Variants in VPS13A observed in about 807,000 individuals in gnomAD.
The protein encoded by VPS13A is vacuolar protein sorting 13 homolog A.
VPS13A carries 264 observed loss-of-function variants against 390.9 expected under a neutral mutation model. That is an observed-to-expected ratio of 0.68 (90% confidence interval 0.61 to 0.75). The LOEUF (loss-of-function observed/expected upper bound fraction) is 0.75. VPS13A is among the 30% of genes least tolerant of loss of function. VPS13A has a pLI of 0.00. For synonymous variants in VPS13A, 1,231 were observed against 1,227.1 expected, an observed-to-expected ratio of 1.00 and a Z score of -0.07; for missense variants, 3,409 against 3,733.9, an observed-to-expected ratio of 0.91 and a Z score of 2.27.
chr9:77,279,179 A>C (rs1413778758), intron 26 of VPS13A, among the ~76,000 whole-genome samples: 1 of 152,204 alleles, frequency 6.6e-6, no homozygotes, highest in Non-Finnish European at 1.5e-5. Context: ...ATTGGATGAC[A>C]TGTGGGCTGG....
chr9:77,382,188 A>G lies in VPS13A; in HGVS notation c.9189+101A>G, dbSNP rs1282362373. 12 of 1,327,450 alleles carry G rather than the reference A, an allele frequency of 9.0e-6. 1 individual carries two copies. Among genetic ancestry groups the G allele is most frequent in the African/African-American group, 1.5e-5 (1 of 66,382 alleles). 82.2% of individuals were successfully genotyped at this position (1,327,450 alleles called of 1,614,324 possible). Reference sequence around the variant, plus strand: ...TATTAAATTATTTGGGCTTTTATCTATTTTGCTTAATTCCACTTATAAGTT... The same window carrying G: ...TATTAAATTATTTGGGCTTTTATCTGTTTTGCTTAATTCCACTTATAAGTT... On this transcript the variant is annotated intron_variant, in intron 68 of 71. Coordinates refer to ENST00000360280, the MANE Select transcript of VPS13A (RefSeq NM_033305.3).
chr9:77,207,256 AC>A (rs1188210669), intron 5 of VPS13A, among the ~76,000 whole-genome samples: 10 of 53,976 alleles, frequency 1.9e-4, no homozygotes, highest in Middle Eastern at 9.1e-3. Context: ...TATATATAAA[AC>A]GTGTTATATG....
At chr9:77,187,599 A>T (rs1231162205) in intron 1 of VPS13A, among the ~76,000 whole-genome samples, 1 of 129,328 alleles carries the variant, frequency 7.7e-6, no homozygotes, top group African/African-American at 3.3e-5. Context: ...AAGAGTTTAC[A>T]TACAAACATA....
At chr9:77,367,639 A>C (rs953798992) in intron 61 of VPS13A, among the ~76,000 whole-genome samples, 2 of 152,368 alleles carry the variant, frequency 1.3e-5, no homozygotes, top group Non-Finnish European at 2.9e-5. Flanking sequence ...TGGAGTTATA[A>C]GTAAGCAGGC....
intron 61 of VPS13A, 125 bp downstream of exon 61, chr9:77,366,997 A>G (rs1832466335): frequency 2.2e-6 from 2 of 925,506 alleles, no homozygotes; most frequent in Non-Finnish European, 3.2e-6. Flanking sequence ...AGGTTTTTGC[A>G]TTCAAGTGAA....
intron 12 of VPS13A, 149 bp from the exon 13 acceptor site, chr9:77,221,036 G>A: frequency 2.6e-6 from 2 of 765,784 alleles, no homozygotes; most frequent in Admixed American, 2.4e-5. Flanking sequence ...TAATGCAAAT[G>A]GAGTTGGGTA....
chr9:77,194,362 G>GGA, intron 1 of VPS13A, among the ~76,000 whole-genome samples: 1 of 93,480 alleles, frequency 1.1e-5, no homozygotes, highest in South Asian at 3.5e-4. Flanking sequence ...GATGGGGGTT[G>GGA]GGGGGGGCGC....
chr9:77,276,469 CTG>C (rs960304984), intron 26 of VPS13A, among the ~76,000 whole-genome samples: 6 of 152,128 alleles, frequency 3.9e-5, no homozygotes, highest in Non-Finnish European at 8.8e-5. Context: ...ATCTACTTAA[CTG>C]AGTATTGGAA....
At chr9:77,286,651 T>C (rs1317944131) in intron 31 of VPS13A, among the ~76,000 whole-genome samples, 3 of 152,166 alleles carry the variant, frequency 2.0e-5, no homozygotes, top group African/African-American at 7.2e-5. Context: ...TTTGCCATTT[T>C]CCCCAGACAT....
intron 15 of VPS13A, among the ~76,000 whole-genome samples, chr9:77,227,092 A>G (rs2131197236): frequency 6.6e-6 from 1 of 152,172 alleles, no homozygotes; most frequent in East Asian, 1.9e-4. Flanking sequence ...AATACTACCT[A>G]CTTTTTATAC....
chr9:77,248,434 G>A (rs1047471005), intron 20 of VPS13A, among the ~76,000 whole-genome samples: 2 of 151,314 alleles, frequency 1.3e-5, no homozygotes, highest in Non-Finnish European at 2.9e-5. Flanking sequence ...TAGCCAGGAT[G>A]GTCTCGATCT....
intron 13 of VPS13A, among the ~76,000 whole-genome samples, chr9:77,224,589 T>C (rs1384792875): frequency 2.0e-5 from 3 of 152,200 alleles, no homozygotes; most frequent in African/African-American, 7.2e-5. Flanking sequence ...CCTGAACATG[T>C]GACTAAATTG....
intron 20 of VPS13A, among the ~76,000 whole-genome samples, chr9:77,249,853 A>G (rs899180466): frequency 1.3e-5 from 2 of 152,156 alleles, no homozygotes; most frequent in Non-Finnish European, 2.9e-5. Context: ...ATTCTTCAGG[A>G]CCATCTTGGT....
At chr9:77,201,489 A>AT (rs751820949) in intron 3 of VPS13A, 82 bp downstream of exon 3, 11 of 1,152,844 alleles carry the variant, frequency 9.5e-6, no homozygotes, top group Non-Finnish European at 1.3e-5. Flanking sequence ...ATTATGTGAT[A>AT]TTTTTCATGT....
intron 1 of VPS13A, among the ~76,000 whole-genome samples, chr9:77,178,675 T>G (rs1823811591): frequency 6.6e-6 from 1 of 152,200 alleles, no homozygotes; most frequent in Non-Finnish European, 1.5e-5. Context: ...GTATTCTGCC[T>G]TAGTGAGAGC....
At chr9:77,265,428 G>A (rs1825982002) in intron 23 of VPS13A, among the ~76,000 whole-genome samples, 1 of 152,068 alleles carries the variant, frequency 6.6e-6, no homozygotes, top group Non-Finnish European at 1.5e-5. Flanking sequence ...TCTGGTCGTG[G>A]GCTTTTTTTG....
intron 19 of VPS13A, among the ~76,000 whole-genome samples, chr9:77,240,592 C>T (rs888390431): frequency 6.6e-6 from 1 of 150,938 alleles, no homozygotes; most frequent in South Asian, 2.1e-4. Context: ...ATTTTTTTGC[C>T]TCAGCCTTCT....
At chr9:77,225,861 G>A (rs1373909804) in intron 13 of VPS13A, 65 bp from the exon 14 acceptor site, 22 of 1,258,322 alleles carry the variant, frequency 1.7e-5, no homozygotes, top group Non-Finnish European at 2.3e-5. Flanking sequence ...GATAGATTAT[G>A]TGCTTAAGTT....
chr9:77,268,737 C>T (rs542658589), intron 23 of VPS13A, among the ~76,000 whole-genome samples: 45 of 152,020 alleles, frequency 3.0e-4, no homozygotes, highest in Admixed American at 2.0e-3. Flanking sequence ...GTTAGGAGTT[C>T]GAGACCAGCC....
Sources: allele counts gnomAD v4.1 joint callset (sites outside exome capture counted in the v4.1 genomes callset), GRCh38; gene constraint gnomAD v4.1.1; transcripts MANE v1.5; gene names NCBI Gene and HGNC (gene_info 2026-07-23, HGNC 2026-07-21).